The following CDH12 variants were observed in gnomAD, a reference collection of about 807,000 sequenced individuals.
CDH12 encodes the protein cadherin 12.
Under a neutral mutation model 74.1 loss-of-function variants are expected in CDH12, and 41 were observed. The observed-to-expected ratio is 0.55, with a 90% confidence interval of 0.43 to 0.72. The LOEUF (loss-of-function observed/expected upper bound fraction) is 0.72. Ranked by LOEUF, CDH12 falls within the 30% of genes least tolerant of loss-of-function variation. The pLI is 0.00. For synonymous variants in CDH12, 399 were observed against 355.0 expected (o/e 1.12, Z -1.39); for missense variants, 945 against 977.2 (o/e 0.97, Z 0.44).
chr5:22,268,554 C>G (rs1736241305), intron 3 of CDH12, among the ~76,000 whole-genome samples: 1 of 151,920 alleles, frequency 6.6e-6, no homozygotes, highest in Admixed American at 6.6e-5. Flanking sequence ...TTGACATATA[C>G]TTCTGATTTT....
intron 1 of CDH12, among the ~76,000 whole-genome samples, chr5:22,521,062 G>A (rs1357135792): frequency 1.3e-5 from 2 of 151,534 alleles, no homozygotes; most frequent in African/African-American, 2.4e-5. Context: ...GGTAGGAGAA[G>A]GAGAGGAGAT....
chr5:22,699,572 T>C (rs1218946425), intron 1 of CDH12, among the ~76,000 whole-genome samples: 1 of 152,180 alleles, frequency 6.6e-6, no homozygotes, highest in African/African-American at 2.4e-5. Context: ...GATGGCTCAG[T>C]ACCTTTCTAG....
intron 3 of CDH12, among the ~76,000 whole-genome samples, chr5:22,353,645 C>T (rs956180377): frequency 1.3e-5 from 2 of 151,992 alleles, no homozygotes; most frequent in Non-Finnish European, 2.9e-5. Context: ...ACTATGGGTC[C>T]TATTATAGTA....
intron 6 of CDH12, among the ~76,000 whole-genome samples, chr5:21,928,736 T>C (rs1754704908): frequency 6.7e-6 from 1 of 149,850 alleles, no homozygotes; most frequent in South Asian, 2.1e-4. Flanking sequence ...CATTATTTCC[T>C]TGCCAATGAA....
chr5:22,279,846 T>C (rs1330713518), intron 3 of CDH12, among the ~76,000 whole-genome samples: 1 of 152,176 alleles, frequency 6.6e-6, no homozygotes, highest in Non-Finnish European at 1.5e-5. Flanking sequence ...TACGAGTGCA[T>C]GTGTCTTTAT....
chr5:22,287,912 T>A (rs753627033), intron 3 of CDH12, among the ~76,000 whole-genome samples: 16 of 152,154 alleles, frequency 1.1e-4, no homozygotes, highest in Non-Finnish European at 1.9e-4. Context: ...CATTTCCTTT[T>A]CTAAGATATG....
At chr5:22,656,308 T>C (rs1212069042) in intron 1 of CDH12, among the ~76,000 whole-genome samples, 1 of 152,194 alleles carries the variant, frequency 6.6e-6, no homozygotes, top group African/African-American at 2.4e-5. Context: ...AGATTGAATA[T>C]TTATCTTTAA....
intron 1 of CDH12, among the ~76,000 whole-genome samples, chr5:22,754,787 C>T (rs1745802896): frequency 6.6e-6 from 1 of 152,082 alleles, no homozygotes; most frequent in Non-Finnish European, 1.5e-5. Flanking sequence ...GCATGGAAAA[C>T]AGCTTGGAAG....
intron 6 of CDH12, among the ~76,000 whole-genome samples, chr5:21,887,249 G>A (rs1304598867): frequency 6.6e-6 from 1 of 151,982 alleles, no homozygotes; most frequent in Non-Finnish European, 1.5e-5. Context: ...TTCACTCCTT[G>A]CTGATATTGT....
chr5:22,778,272 T>C (rs1367272301), intron 1 of CDH12, among the ~76,000 whole-genome samples: 4 of 152,194 alleles, frequency 2.6e-5, no homozygotes, highest in Non-Finnish European at 4.4e-5. Flanking sequence ...ACTATCTCAA[T>C]GCTCCCATTA....
intron 5 of CDH12, among the ~76,000 whole-genome samples, chr5:22,050,618 G>T (rs889054806): frequency 5.3e-5 from 8 of 152,082 alleles, no homozygotes; most frequent in South Asian, 4.1e-4. Flanking sequence ...CAGTTCATCT[G>T]CTATCCAATT....
At chr5:22,352,993 G>A (rs375392877) in intron 3 of CDH12, among the ~76,000 whole-genome samples, 46 of 152,248 alleles carry the variant, frequency 3.0e-4, no homozygotes, top group African/African-American at 1.1e-3. Flanking sequence ...CACTGCCAAA[G>A]ATGAATACCA....
chr5:22,834,615 A>G (rs1426832427), intron 1 of CDH12, among the ~76,000 whole-genome samples: 4 of 152,168 alleles, frequency 2.6e-5, no homozygotes, highest in Non-Finnish European at 2.9e-5. Context: ...TGGAAATCAC[A>G]CACTCAGGAG....
intron 3 of CDH12, among the ~76,000 whole-genome samples, chr5:22,275,251 A>T (rs35998262): frequency 0.42 from 64,368 of 151,802 alleles, 14,604 homozygotes; most frequent in Admixed American, 0.53. Flanking sequence ...TATGTACCAA[A>T]CCTGCACGTT....
chr5:22,686,510 C>T (rs1741804026), intron 1 of CDH12, among the ~76,000 whole-genome samples: 1 of 152,162 alleles, frequency 6.6e-6, no homozygotes, highest in Admixed American at 6.5e-5. Flanking sequence ...GTAGTTTTAG[C>T]TCTCAAATGT....
intron 2 of CDH12, among the ~76,000 whole-genome samples, chr5:22,495,580 A>C (rs1222935485): frequency 6.6e-6 from 1 of 152,192 alleles, no homozygotes; most frequent in Non-Finnish European, 1.5e-5. Flanking sequence ...GAAGATATAT[A>C]TACACACACA....
chr5:22,614,900 C>T (rs751964231), intron 1 of CDH12, among the ~76,000 whole-genome samples: 19 of 151,984 alleles, frequency 1.3e-4, no homozygotes, highest in Non-Finnish European at 1.8e-4. Flanking sequence ...ATCACAGAGA[C>T]GGTTACCAAG....
At chr5:21,775,115 G>A (rs536911681) in intron 11 of CDH12, among the ~76,000 whole-genome samples, 19 of 152,296 alleles carry the variant, frequency 1.2e-4, no homozygotes, top group Non-Finnish European at 2.4e-4. Flanking sequence ...CAGTAGAGAA[G>A]ATAAAGGCCA....
chr5:22,124,066 C>G (rs1398739814), intron 4 of CDH12, among the ~76,000 whole-genome samples: 1 of 151,894 alleles, frequency 6.6e-6, no homozygotes, highest in Non-Finnish European at 1.5e-5. Flanking sequence ...CTCCCAGGAT[C>G]AAGCAATTCT....
Sources: allele counts gnomAD v4.1 joint callset (sites outside exome capture counted in the v4.1 genomes callset), GRCh38; gene constraint gnomAD v4.1.1; transcripts MANE v1.5; gene names NCBI Gene and HGNC (gene_info 2026-07-23, HGNC 2026-07-21).